The following SHISA6 variants were observed in gnomAD, a reference collection of about 807,000 sequenced individuals.
SHISA6 encodes the protein protein shisa-6.
In SHISA6, 22 loss-of-function variants were observed where a neutral mutation model predicts 47.9. The ratio of observed to expected loss-of-function variants is 0.46; its 90% CI spans 0.33 to 0.66. The LOEUF (loss-of-function observed/expected upper bound fraction) is 0.66. SHISA6 is among the 30% of genes least tolerant of loss of function. SHISA6 has a pLI of 0.02. For missense variants in SHISA6, 680 were observed against 764.6 expected (o/e 0.89, Z 1.30); for synonymous variants, 388 against 337.8 (o/e 1.15, Z -1.63).
At chr17:11,429,586 G>A (rs1914694654) in intron 3 of SHISA6, among the ~76,000 whole-genome samples, 1 of 147,150 alleles carries the variant, frequency 6.8e-6, no homozygotes, top group Admixed American at 6.9e-5. Context: ...TTCAAGACCA[G>A]CCTGACCAAC....
chr17:11,514,570 G>T (rs192177004), intron 3 of SHISA6, among the ~76,000 whole-genome samples: 1 of 152,298 alleles, frequency 6.6e-6, no homozygotes, highest in East Asian at 1.9e-4. Flanking sequence ...TGCAGTGGAT[G>T]GTTCCATATG....
chr17:11,500,408 A>G (rs1023230638), intron 3 of SHISA6, among the ~76,000 whole-genome samples: 1 of 152,208 alleles, frequency 6.6e-6, no homozygotes, highest in Non-Finnish European at 1.5e-5. Flanking sequence ...AGTGCTGTGC[A>G]TGGCCTGTGT....
intron 2 of SHISA6, chr17:11,290,798 T>C (rs1017910760): frequency 2.0e-5 from 3 of 152,070 alleles, no homozygotes; most frequent in African/African-American, 7.2e-5. Context: ...AACAATTAAA[T>C]ATTGTCAGTT....
chr17:11,471,399 C>T (rs1314702251), intron 3 of SHISA6, among the ~76,000 whole-genome samples: 1 of 152,082 alleles, frequency 6.6e-6, no homozygotes, highest in South Asian at 2.1e-4. Flanking sequence ...AACTGGAAAC[C>T]AGAGCATCAG....
At chr17:11,522,693 T>C (rs915712009) in intron 3 of SHISA6, among the ~76,000 whole-genome samples, 1 of 152,234 alleles carries the variant, frequency 6.6e-6, no homozygotes, top group Non-Finnish European at 1.5e-5. Flanking sequence ...CTTGAAGTCC[T>C]GGCCTCAAGC....
intron 3 of SHISA6, among the ~76,000 whole-genome samples, chr17:11,425,619 T>G (rs1914589191): frequency 6.6e-6 from 1 of 152,218 alleles, no homozygotes; most frequent in Non-Finnish European, 1.5e-5. Context: ...ATTATTGGTT[T>G]ATATAAGATG....
intron 3 of SHISA6, among the ~76,000 whole-genome samples, chr17:11,537,633 G>GAGA (rs1191188990): frequency 1.3e-5 from 2 of 152,160 alleles, no homozygotes; most frequent in Non-Finnish European, 2.9e-5. Context: ...TTAGGAAGAA[G>GAGA]AGAAGAAGAA....
intron 3 of SHISA6, among the ~76,000 whole-genome samples, chr17:11,509,135 G>C (rs887888993): frequency 1.3e-5 from 2 of 152,150 alleles, no homozygotes; most frequent in African/African-American, 4.8e-5. Context: ...TTAGTCTCTT[G>C]GATAGTCCAG....
intron 2 of SHISA6, among the ~76,000 whole-genome samples, chr17:11,323,600 GC>G (rs1226773812): frequency 6.6e-6 from 1 of 152,038 alleles, no homozygotes; most frequent in African/African-American, 2.4e-5. Context: ...GTTGCAGTGA[GC>G]CGAGATCGCG....
intron 2 of SHISA6, among the ~76,000 whole-genome samples, chr17:11,263,916 C>T (rs1908335441): frequency 6.6e-6 from 1 of 152,194 alleles, no homozygotes; most frequent in South Asian, 2.1e-4. Flanking sequence ...AATGTAGAGC[C>T]TGCTCAACTA....
intron 2 of SHISA6, among the ~76,000 whole-genome samples, chr17:11,268,850 G>A (rs1297314064): frequency 6.6e-6 from 1 of 152,166 alleles, no homozygotes; most frequent in Non-Finnish European, 1.5e-5. Flanking sequence ...GATGGGCGTA[G>A]GATCCAAGCA....
chr17:11,497,037 T>C (rs1321202143), intron 3 of SHISA6, among the ~76,000 whole-genome samples: 1 of 152,220 alleles, frequency 6.6e-6, no homozygotes, highest in East Asian at 1.9e-4. Context: ...TCCCATAAGT[T>C]TGGACACTGA....
chr17:11,305,156 T>C (rs140251224), intron 2 of SHISA6, among the ~76,000 whole-genome samples: 64 of 152,260 alleles, frequency 4.2e-4, no homozygotes, highest in African/African-American at 1.3e-3. Flanking sequence ...TTGTGCCTCC[T>C]TTTCCTCTTA....
At chr17:11,360,247 A>G (rs1455913057) in intron 2 of SHISA6, among the ~76,000 whole-genome samples, 2 of 152,284 alleles carry the variant, frequency 1.3e-5, no homozygotes, top group East Asian at 1.9e-4. Flanking sequence ...GTTCTCACTC[A>G]TAAGTGGGAG....
chr17:11,383,345 G>C (rs1182478864), intron 3 of SHISA6, among the ~76,000 whole-genome samples: 3 of 152,152 alleles, frequency 2.0e-5, no homozygotes, highest in Non-Finnish European at 4.4e-5. Context: ...GAATGCATAT[G>C]GATCTGTCTG....
At position 11,425,006 on chromosome 17, in the gene SHISA6, C is replaced by CAAA. The variant is rs34270452; in HGVS notation, c.895+45517_895+45519dup. Among the ~76,000 whole-genome samples, 646 of 69,746 alleles carry CAAA rather than the reference C, an allele frequency of 9.3e-3. 12 individuals carry two copies. The highest frequency in any genetic ancestry group is 0.02 in the Middle Eastern group (2 of 100). 45.8% of individuals were successfully genotyped at this position (69,746 alleles called of 152,430 possible). A position where few individuals can be genotyped will look rare whatever the true frequency, so the allele number is the denominator to read the frequency against. ...TGAGCGACAGAGTGATACTCCGTCTCAAAAAAAAAAAAAAAAAAAAAATGA... is the reference window on the plus strand; with the variant it reads ...TGAGCGACAGAGTGATACTCCGTCTCAAAAAAAAAAAAAAAAAAAAAAAAATGA... On this transcript the variant is annotated intron_variant, in intron 3 of 5. Coordinates refer to ENST00000441885, the MANE Select transcript of SHISA6 (RefSeq NM_207386.4).
At chr17:11,396,851 A>G (rs905951038) in intron 3 of SHISA6, among the ~76,000 whole-genome samples, 1 of 152,190 alleles carries the variant, frequency 6.6e-6, no homozygotes, top group East Asian at 1.9e-4. Flanking sequence ...TGGCACGTGG[A>G]TACCTATGTA....
intron 2 of SHISA6, among the ~76,000 whole-genome samples, chr17:11,363,174 C>G (rs1165954861): frequency 6.6e-6 from 1 of 151,670 alleles, no homozygotes; most frequent in Non-Finnish European, 1.5e-5. Flanking sequence ...TTCTCCATTC[C>G]TTCCTGGCCA....
At position 11,241,463 on chromosome 17, in the gene SHISA6, T is replaced by G; in HGVS notation, c.41T>G (p.Leu14Arg). ...CTCCTGCTGCTGCTGCTGCTCTCGC[T>G]GGAGTCCCTGGACCTGCTGCCCAGC... ...RRLLLLLLLSLESLDLLPSVH... is the reference protein window; with the variant it reads ...RRLLLLLLLSRESLDLLPSVH... The change falls in exon 1 of 6, where the codon CTG (leucine) becomes CGG (arginine). Residue 14 changes from leucine (L) to arginine (R), a missense_variant. Leu to Arg is a moderately radical substitution (Grantham distance 102). This residue lies in a region of SHISA6 where 121 missense variants were observed against 90.5 expected (regional missense o/e 1.34). Transcript: ENST00000441885. This position sits in a 1 kb window ranked among gnomAD's most constrained non-coding sequence, Gnocchi z 5.5. 1 of 1,211,256 alleles carries G rather than the reference T, an allele frequency of 8.3e-7. No individual in the cohort carries two copies. The highest frequency in any genetic ancestry group is 1.6e-5 in the African/African-American group (1 of 61,160). The allele number at this position is 1,211,256 out of a possible 1,614,324, so 75.0% of individuals were successfully genotyped here.
Sources: allele counts gnomAD v4.1 joint callset (sites outside exome capture counted in the v4.1 genomes callset), GRCh38; gene constraint gnomAD v4.1.1; regional missense constraint gnomAD v4.1.1; non-coding constraint Gnocchi (gnomAD v3.1); transcripts MANE v1.5; gene names NCBI Gene and HGNC (gene_info 2026-07-23, HGNC 2026-07-21).